LMNB1: variants seen among roughly 807,000 people sequenced by gnomAD.
The protein encoded by LMNB1 is lamin B1.
Under a neutral mutation model 67.1 loss-of-function variants are expected in LMNB1, and 23 were observed. The ratio of observed to expected loss-of-function variants is 0.34; its 90% CI spans 0.25 to 0.49. LMNB1 has a LOEUF of 0.49. Ranked by LOEUF, LMNB1 falls within the 20% of genes least tolerant of loss-of-function variation. LMNB1 has a pLI of 0.99. For synonymous variants in LMNB1, 281 were observed against 282.9 expected, an observed-to-expected ratio of 0.99 and a Z score of 0.07; for missense variants, 634 against 746.5, an observed-to-expected ratio of 0.85 and a Z score of 1.76.
chr5:126,815,231 T>C (rs1751678863), intron 5 of LMNB1: 1 of 152,204 alleles, frequency 6.6e-6, no homozygotes, highest in Admixed American at 6.5e-5. Context: ...GAATTTCCTT[T>C]TGGTTAAATA....
Position 126,805,628 on chromosome 5 carries a change from G to A in LMNB1, c.574G>A (p.Val192Ile). 2.5e-6 allele frequency: 4 copies of A among 1,612,534 alleles called. No homozygotes were observed. Among genetic ancestry groups the A allele is most frequent in the East Asian group, 2.2e-5 (1 of 44,868 alleles). The change falls in exon 3 of 11, where the codon GTA (valine) becomes ATA (isoleucine). Residue 192 changes from valine (V) to isoleucine (I), a missense_variant. Physicochemically the swap from Val to Ile is conservative, Grantham distance 29. Coordinates refer to ENST00000261366, the MANE Select transcript of LMNB1 (RefSeq NM_005573.4). ...KQLADETLLK[V>I]DLENRCQSLT... ...GTTAGCAGATGAAACTTTACTTAAA[G>A]TAGATTTGGAGAATCGTTGTCAGAG...
chr5:126,807,799 T>G (rs1265845530), intron 3 of LMNB1, among the ~76,000 whole-genome samples: 2 of 152,206 alleles, frequency 1.3e-5, no homozygotes, highest in Non-Finnish European at 2.9e-5. Flanking sequence ...CATAGCATCT[T>G]TGAATTTTTG....
At chr5:126,830,311 T>C (rs529562983) in intron 9 of LMNB1, among the ~76,000 whole-genome samples, 1 of 152,366 alleles carries the variant, frequency 6.6e-6, no homozygotes, top group East Asian at 1.9e-4. Context: ...CTGCATTTTA[T>C]AGACAGAGTA....
intron 1 of LMNB1, among the ~76,000 whole-genome samples, chr5:126,783,388 CTAGTTTTCT>C (rs1750682317): frequency 3.9e-5 from 5 of 128,966 alleles, no homozygotes; most frequent in Admixed American, 7.7e-5. Context: ...AGTTATAAAA[CTAGTTTTCT>C]TTATAAGAGT....
At chr5:126,781,404 T>A (rs961040116) in intron 1 of LMNB1, among the ~76,000 whole-genome samples, 2 of 152,214 alleles carry the variant, frequency 1.3e-5, no homozygotes, top group African/African-American at 4.8e-5. Context: ...TATAGAATAC[T>A]AGGTTAACAT....
intron 3 of LMNB1, among the ~76,000 whole-genome samples, chr5:126,807,951 A>C (rs879340402): frequency 1.3e-5 from 2 of 151,900 alleles, no homozygotes; most frequent in Non-Finnish European, 2.9e-5. Context: ...GGCTCACTGC[A>C]ACCTCCACCT....
chr5:126,799,746 C>G (rs950464727), intron 1 of LMNB1, among the ~76,000 whole-genome samples: 4 of 152,218 alleles, frequency 2.6e-5, no homozygotes, highest in African/African-American at 7.2e-5. Context: ...TGGACTGAGC[C>G]TTTCCGCACC....
chr5:126,827,476 C>G lies in LMNB1; in HGVS notation c.1611+1369C>G, dbSNP rs138574846. Among the ~76,000 whole-genome samples the G allele has an allele frequency of 8.5e-5, 13 of 152,244 alleles. No individual in the cohort carries two copies. The East Asian group carries it at 2.1e-3, about 25-fold the overall frequency. Reference sequence around the variant, plus strand: ...AGGAGTTAGAGACCAGCGTGGCCAACATGGTGAAACCCCGTCTCTACTAAA... The same window carrying G: ...AGGAGTTAGAGACCAGCGTGGCCAAGATGGTGAAACCCCGTCTCTACTAAA... On this transcript the variant is annotated intron_variant, in intron 9 of 10. Transcript: ENST00000261366.
At chr5:126,795,720 G>C (rs1751070902) in intron 1 of LMNB1, among the ~76,000 whole-genome samples, 1 of 151,378 alleles carries the variant, frequency 6.6e-6, no homozygotes, top group Non-Finnish European at 1.5e-5. Context: ...GCCCCCCCGG[G>C]TTCAAGCGAT....
chr5:126,808,938 C>T (rs912165230), intron 3 of LMNB1, among the ~76,000 whole-genome samples: 6 of 151,222 alleles, frequency 4.0e-5, no homozygotes, highest in Admixed American at 6.6e-5. Context: ...TGCAGTGGTG[C>T]GATCTTGGCT....
At chr5:126,790,365 C>T (rs1050929814) in intron 1 of LMNB1, among the ~76,000 whole-genome samples, 8 of 152,114 alleles carry the variant, frequency 5.3e-5, no homozygotes, top group African/African-American at 1.9e-4. Flanking sequence ...CTCGGCCTCC[C>T]AAAGTGCTGG....
In LMNB1 at chr5:126,836,319, C is replaced by T; in HGVS notation, c.*55C>T. The stretch of plus-strand genomic sequence containing the variant: ...AAGTATGGTAATCTTTACCTGTATA[C>T]AGTGCAGAGCCTTCTCAGAAGCACA... On this transcript the variant is annotated 3_prime_UTR_variant, in exon 11 of 11. Transcript: ENST00000261366. 2 of 1,110,458 alleles carry T rather than the reference C, an allele frequency of 1.8e-6. No homozygotes were observed. The highest frequency in any genetic ancestry group is 2.7e-6 in the Non-Finnish European group (2 of 751,478). The allele number at this position is 1,110,458 out of a possible 1,614,324, so 68.8% of individuals were successfully genotyped here.
chr5:126,817,450 T>C (rs1182261895), intron 5 of LMNB1, among the ~76,000 whole-genome samples: 1 of 152,210 alleles, frequency 6.6e-6, no homozygotes, highest in African/African-American at 2.4e-5. Context: ...GTGGGTAACA[T>C]TTTATGTATG....
At chr5:126,809,823 G>T (rs1354103171) in intron 3 of LMNB1, among the ~76,000 whole-genome samples, 1 of 152,152 alleles carries the variant, frequency 6.6e-6, no homozygotes, top group Non-Finnish European at 1.5e-5. Flanking sequence ...AAACAATTCA[G>T]AAAAATAATT....
chr5:126,823,353 C>A (rs1298512623), intron 8 of LMNB1, among the ~76,000 whole-genome samples: 1 of 152,112 alleles, frequency 6.6e-6, no homozygotes, highest in Non-Finnish European at 1.5e-5. Flanking sequence ...TTATAGGCAC[C>A]CTTGTAAATT....
intron 1 of LMNB1, among the ~76,000 whole-genome samples, chr5:126,788,473 C>T (rs1423592360): frequency 1.3e-5 from 2 of 152,048 alleles, no homozygotes; most frequent in African/African-American, 2.4e-5. Flanking sequence ...CCCGTTTCTA[C>T]TAAAAATGCA....
At chr5:126,790,100 G>A (rs890469447) in intron 1 of LMNB1, among the ~76,000 whole-genome samples, 5 of 152,058 alleles carry the variant, frequency 3.3e-5, no homozygotes, top group East Asian at 1.9e-4. Flanking sequence ...CACTGAGCCC[G>A]GCCTTATTTT....
intron 1 of LMNB1, among the ~76,000 whole-genome samples, chr5:126,790,337 C>G (rs768322924): frequency 2.0e-5 from 3 of 151,976 alleles, no homozygotes; most frequent in Non-Finnish European, 4.4e-5. Flanking sequence ...AACTCCTGAC[C>G]TCAGGTGATC....
intron 1 of LMNB1, among the ~76,000 whole-genome samples, chr5:126,801,980 G>C (rs887007076): frequency 6.6e-6 from 1 of 152,146 alleles, no homozygotes; most frequent in East Asian, 1.9e-4. Flanking sequence ...TTTATAGTGG[G>C]GCAAAATAGA....
Sources: gnomAD v4.1 joint callset for allele counts (sites outside exome capture counted in the v4.1 genomes callset) on GRCh38, gnomAD v4.1.1 for gene constraint, MANE v1.5 for transcripts, NCBI Gene and HGNC (gene_info 2026-07-23, HGNC 2026-07-21) for gene names.